The following CNKSR3 variants were observed in gnomAD, a reference collection of about 807,000 sequenced individuals.
The protein encoded by CNKSR3 is CNKSR family member 3.
In CNKSR3, 36 loss-of-function variants were observed where a neutral mutation model predicts 67.7. That is an observed-to-expected ratio of 0.53 (90% confidence interval 0.41 to 0.70). The LOEUF is 0.70. Ranked by LOEUF, CNKSR3 falls within the 30% of genes least tolerant of loss-of-function variation. CNKSR3 has a pLI of 0.00. For synonymous variants in CNKSR3, 281 were observed against 271.4 expected, an observed-to-expected ratio of 1.04 and a Z score of -0.35; for missense variants, 630 against 695.2, an observed-to-expected ratio of 0.91 and a Z score of 1.05.
intron 1 of CNKSR3, among the ~76,000 whole-genome samples, chr6:154,455,389 G>A (rs965148743): frequency 1.3e-5 from 2 of 151,924 alleles, no homozygotes; most frequent in Non-Finnish European, 2.9e-5. Flanking sequence ...ATAAATATTT[G>A]TAAAATAAAC....
chr6:154,504,830 G>C (rs1787066666), intron 1 of CNKSR3, among the ~76,000 whole-genome samples: 1 of 151,690 alleles, frequency 6.6e-6, no homozygotes, highest in Non-Finnish European at 1.5e-5. Context: ...AACAGAGTGA[G>C]ACCCCATCTC....
rs2128708882 is a variant in CNKSR3, at chr6:154,398,433, G to C, written c.*7921C>G. On this transcript the variant is annotated 3_prime_UTR_variant, in exon 13 of 13. Coordinates refer to ENST00000607772, the MANE Select transcript of CNKSR3 (RefSeq NM_173515.4). ...GCTTCTCTTTCCTTTTCACTTCCTG[G>C]ACCTACCAAAGCCTTGGCCTTGGGT... 1 of 152,156 alleles carries C rather than the reference G, an allele frequency of 6.6e-6. No homozygotes were observed. Among genetic ancestry groups the C allele is most frequent in the Non-Finnish European group, 1.5e-5 (1 of 68,026 alleles). The allele number at this position is 152,156 out of a possible 1,614,324, so 9.4% of individuals were successfully genotyped here.
chr6:154,449,731 G>A (rs1349894628), intron 2 of CNKSR3, among the ~76,000 whole-genome samples: 2 of 152,126 alleles, frequency 1.3e-5, no homozygotes. Context: ...TTCTGTAAAG[G>A]ACAAGTTAAT....
At chr6:154,421,488 T>C (rs72993382) in intron 9 of CNKSR3, among the ~76,000 whole-genome samples, 6,982 of 152,266 alleles carry the variant, frequency 0.046, 215 homozygotes, top group African/African-American at 0.075. Context: ...AAAAGGGCAT[T>C]ATAAGGTTAT....
At chr6:154,501,460 T>A (rs1786991987) in intron 1 of CNKSR3, among the ~76,000 whole-genome samples, 1 of 152,180 alleles carries the variant, frequency 6.6e-6, no homozygotes, top group Non-Finnish European at 1.5e-5. Context: ...CTCTCTCACC[T>A]GCTCTTCACC....
At chr6:154,452,727 A>T (rs1317461747) in intron 1 of CNKSR3, among the ~76,000 whole-genome samples, 1 of 152,244 alleles carries the variant, frequency 6.6e-6, no homozygotes, top group African/African-American at 2.4e-5. Flanking sequence ...TTCAAATGAC[A>T]TCGTTAAGGT....
intron 9 of CNKSR3, among the ~76,000 whole-genome samples, chr6:154,421,987 CTT>C (rs34269095): frequency 0.031 from 3,890 of 127,280 alleles, 66 homozygotes; most frequent in African/African-American, 0.08. Context: ...TCATTTCATT[CTT>C]TTTTTTTTTT....
intron 1 of CNKSR3, among the ~76,000 whole-genome samples, chr6:154,503,022 G>A (rs1472369012): frequency 6.6e-6 from 1 of 152,136 alleles, no homozygotes; most frequent in Non-Finnish European, 1.5e-5. Flanking sequence ...CATGGATAAA[G>A]GATGGAGCTA....
chr6:154,506,164 T>C (rs941959784), intron 1 of CNKSR3, among the ~76,000 whole-genome samples: 1 of 152,014 alleles, frequency 6.6e-6, no homozygotes, highest in East Asian at 1.9e-4. Flanking sequence ...TGCCTACCAA[T>C]ATCTATTCTC....
intron 4 of CNKSR3, among the ~76,000 whole-genome samples, chr6:154,435,212 A>T (rs115767499): frequency 0.05 from 7,525 of 151,884 alleles, 222 homozygotes; most frequent in African/African-American, 0.082. Context: ...CCCAGGCTGA[A>T]CTTGAATTCT....
chr6:154,443,169 A>T (rs1215444610), intron 2 of CNKSR3, among the ~76,000 whole-genome samples: 1 of 152,140 alleles, frequency 6.6e-6, no homozygotes, highest in African/African-American at 2.4e-5. Context: ...AAGTACTGGG[A>T]TTACAGGCGT....
At chr6:154,436,357 T>TA (rs1209328848) in intron 4 of CNKSR3, among the ~76,000 whole-genome samples, 2 of 152,086 alleles carry the variant, frequency 1.3e-5, no homozygotes, top group Admixed American at 1.3e-4. Flanking sequence ...TTTTTTTTTT[T>TA]AATATAGAGG....
chr6:154,460,404 G>C (rs535098721), intron 1 of CNKSR3, among the ~76,000 whole-genome samples: 2 of 152,296 alleles, frequency 1.3e-5, no homozygotes, highest in African/African-American at 4.8e-5. Context: ...GCATGTGTGT[G>C]TAAAAGCATA....
intron 1 of CNKSR3, among the ~76,000 whole-genome samples, chr6:154,493,273 G>A (rs1236519365): frequency 6.6e-6 from 1 of 152,138 alleles, no homozygotes; most frequent in Non-Finnish European, 1.5e-5. Flanking sequence ...AGTTAAAATT[G>A]CATCCCCACT....
rs1007466100 is a variant in CNKSR3, at chr6:154,425,551, C to G, written c.730-2568G>C. ...CCTAGAGAATAATGCACCCATTCTT[C>G]AGAGGCTAATCTAACTCCCACCGGA... On this transcript the variant is annotated intron_variant, in intron 7 of 12. Coordinates refer to ENST00000607772, the MANE Select transcript of CNKSR3 (RefSeq NM_173515.4). 9.8e-5 allele frequency among the ~76,000 whole-genome samples: 15 copies of G among 152,304 alleles called. 2 individuals carry two copies. Among genetic ancestry groups the G allele is most frequent in the Admixed American group, 1.3e-4 (2 of 15,296 alleles).
intron 3 of CNKSR3, 106 bp downstream of exon 3, chr6:154,441,982 A>G (rs1456300267): frequency 2.8e-6 from 3 of 1,060,218 alleles, no homozygotes; most frequent in Middle Eastern, 3.2e-4. Context: ...GGTAAAAATG[A>G]TATGAAAAGA....
At chr6:154,489,806 C>G (rs866587670) in intron 1 of CNKSR3, among the ~76,000 whole-genome samples, 3 of 152,268 alleles carry the variant, frequency 2.0e-5, no homozygotes, top group African/African-American at 4.8e-5. Flanking sequence ...AGTGAAGTCT[C>G]TGAACATATA....
At chr6:154,495,275 C>G (rs1786854494) in intron 1 of CNKSR3, among the ~76,000 whole-genome samples, 2 of 151,766 alleles carry the variant, frequency 1.3e-5, no homozygotes. Context: ...CATCTACAAA[C>G]TAGAACAGCT....
At chr6:154,502,255 G>A (rs1436186440) in intron 1 of CNKSR3, among the ~76,000 whole-genome samples, 2 of 150,730 alleles carry the variant, frequency 1.3e-5, no homozygotes, top group African/African-American at 4.9e-5. Context: ...GCAGTGGCAC[G>A]ATCTCAGCTC....
Sources: allele counts gnomAD v4.1 joint callset (sites outside exome capture counted in the v4.1 genomes callset), GRCh38; gene constraint gnomAD v4.1.1; transcripts MANE v1.5; gene names NCBI Gene and HGNC (gene_info 2026-07-23, HGNC 2026-07-21).